CCDC102B: variants seen among roughly 807,000 people sequenced by gnomAD.
CCDC102B encodes the protein coiled-coil domain-containing protein 102B.
In CCDC102B, 75 loss-of-function variants were observed where a neutral mutation model predicts 57.4. The ratio of observed to expected loss-of-function variants is 1.31; its 90% CI spans 1.08 to 1.58. The LOEUF (loss-of-function observed/expected upper bound fraction) is 1.58. CCDC102B is among the 40% of genes most tolerant of loss of function. The pLI, the probability that CCDC102B is intolerant of heterozygous loss-of-function variation, is 0.00. For synonymous variants in CCDC102B, 206 were observed against 201.9 expected (o/e 1.02, Z -0.17); for missense variants, 636 against 582.6 (o/e 1.09, Z -0.94).
At chr18:68,831,609 T>C (rs2037143780) in intron 1 of CCDC102B, among the ~76,000 whole-genome samples, 1 of 152,146 alleles carries the variant, frequency 6.6e-6, no homozygotes, top group South Asian at 2.1e-4. Context: ...ATTTTCTGTC[T>C]CTGTACAATT....
chr18:68,847,073 G>A (rs1452619626), intron 4 of CCDC102B, among the ~76,000 whole-genome samples: 1 of 151,782 alleles, frequency 6.6e-6, no homozygotes, highest in African/African-American at 2.4e-5. Context: ...TTACATAAGT[G>A]TGTGGGAAAG....
chr18:68,917,169 G>C (rs2041102443), intron 6 of CCDC102B, among the ~76,000 whole-genome samples: 1 of 147,080 alleles, frequency 6.8e-6, no homozygotes. Flanking sequence ...TTGAAAACCA[G>C]CATTTTTTTT....
In CCDC102B at chr18:68,998,999, TAGAGAGAGAGAGAGAG is replaced by T. The variant is rs60271182; in HGVS notation, c.1264-11912_1264-11897del. On this transcript the variant is annotated intron_variant, in intron 6 of 7. Transcript: ENST00000360242. ...ATATATATATATATATATATATATA[TAGAGAGAGAGAGAGAG>T]AGAGAGAGAGAGAGAGAGAGAGTCA... Among the ~76,000 whole-genome samples, 141 of 43,328 alleles carry T rather than the reference TAGAGAGAGAGAGAGAG, an allele frequency of 3.3e-3. 1 individual carries two copies. Among genetic ancestry groups the T allele is most frequent in the African/African-American group, 8.6e-3 (109 of 12,738 alleles). 28.4% of individuals were successfully genotyped at this position (43,328 alleles called of 152,430 possible).
chr18:68,891,772 A>G (rs531626930), intron 5 of CCDC102B, among the ~76,000 whole-genome samples: 1 of 152,156 alleles, frequency 6.6e-6, no homozygotes, highest in African/African-American at 2.4e-5. Flanking sequence ...TCTTATAAGG[A>G]CATCAGTTCC....
intron 1 of CCDC102B, among the ~76,000 whole-genome samples, chr18:68,807,072 C>T (rs957400405): frequency 2.0e-5 from 3 of 152,066 alleles, no homozygotes; most frequent in Non-Finnish European, 4.4e-5. Flanking sequence ...GTTTGAACGA[C>T]CTTATCAAGG....
At chr18:68,716,222 C>T (rs1654936238) in intron 1 of CCDC102B, among the ~76,000 whole-genome samples, 2 of 151,654 alleles carry the variant, frequency 1.3e-5, no homozygotes, top group African/African-American at 2.4e-5. Context: ...ATAGTACCAT[C>T]GCCTCGATAC....
Position 68,857,294 on chromosome 18 carries a change from T to A in CCDC102B, c.936+10873T>A, listed in dbSNP as rs371927698. ...ATATATATAATATATATTTATATAT[T>A]ATATATATAATATATATTTATATAT... On this transcript the variant is annotated intron_variant, in intron 4 of 7. Coordinates refer to ENST00000360242, the MANE Select transcript of CCDC102B (RefSeq NM_024781.3). 2.3e-3 allele frequency among the ~76,000 whole-genome samples: 38 copies of A among 16,274 alleles called. 9 individuals are homozygous for A. The highest frequency in any genetic ancestry group is 8.1e-3 in the Admixed American group (6 of 740). The allele number at this position is 16,274 out of a possible 152,430, so 10.7% of individuals were successfully genotyped here. A position where few individuals can be genotyped will look rare whatever the true frequency, so the allele number is the denominator to read the frequency against.
At chr18:68,778,944 T>G (rs1392367077) in intron 2 of CCDC102B, among the ~76,000 whole-genome samples, 2 of 148,960 alleles carry the variant, frequency 1.3e-5, no homozygotes, top group Non-Finnish European at 3.0e-5. Flanking sequence ...TCTTAAAAGG[T>G]AAATAGGGTG....
At position 69,025,581 on chromosome 18, in the gene CCDC102B, T is replaced by A. The variant is rs1443061284; in HGVS notation, c.1434+14477T>A. Among the ~76,000 whole-genome samples, 3 of 152,208 alleles carry A rather than the reference T, an allele frequency of 2.0e-5. No individual in the cohort carries two copies. The East Asian group carries it at 5.8e-4, about 29-fold the overall frequency. ...ACATTTTATTGCTCTACCAAGCAAG[T>A]CATATTTTATTTCTGGTGAAAGTTA... On this transcript the variant is annotated intron_variant, in intron 7 of 7. Transcript: ENST00000360242.
chr18:68,803,131 A>T (rs953827718), intron 1 of CCDC102B, among the ~76,000 whole-genome samples: 2 of 152,158 alleles, frequency 1.3e-5, no homozygotes, highest in African/African-American at 4.8e-5. Flanking sequence ...TCTAAAAGCC[A>T]CCTTCTTTAG....
intron 2 of CCDC102B, among the ~76,000 whole-genome samples, chr18:68,727,074 G>A (rs192533672): frequency 6.6e-6 from 1 of 152,272 alleles, no homozygotes; most frequent in East Asian, 1.9e-4. Flanking sequence ...GGATACAATT[G>A]GCTCCATCCC....
chr18:68,907,142 T>C (rs1223402763), intron 6 of CCDC102B, among the ~76,000 whole-genome samples: 1 of 152,186 alleles, frequency 6.6e-6, no homozygotes, highest in Non-Finnish European at 1.5e-5. Flanking sequence ...TTCTCAACTA[T>C]TTTGGTGTCA....
At chr18:69,053,839 A>G (rs574959066) in intron 7 of CCDC102B, among the ~76,000 whole-genome samples, 191 bp from the exon 8 acceptor site, 1 of 152,078 alleles carries the variant, frequency 6.6e-6, no homozygotes, top group African/African-American at 2.4e-5. Flanking sequence ...AAATGTGTAC[A>G]TTGTAGACTA....
chr18:68,941,568 T>G (rs191098088), intron 6 of CCDC102B, among the ~76,000 whole-genome samples: 69 of 152,242 alleles, frequency 4.5e-4, no homozygotes, highest in Admixed American at 9.8e-4. Context: ...TTCACTTTGT[T>G]GCTTAAATGT....
intron 5 of CCDC102B, among the ~76,000 whole-genome samples, chr18:68,889,071 A>G (rs932709638): frequency 6.7e-5 from 10 of 149,566 alleles, no homozygotes; most frequent in Admixed American, 3.3e-4. Context: ...TTAACATTAT[A>G]GATTCATGAA....
chr18:68,924,591 T>G (rs567390007), intron 6 of CCDC102B, among the ~76,000 whole-genome samples: 1 of 152,216 alleles, frequency 6.6e-6, no homozygotes, highest in African/African-American at 2.4e-5. Flanking sequence ...CACCCAGATT[T>G]GGTTGGATGT....
At chr18:68,906,061 G>A (rs866461205) in intron 6 of CCDC102B, among the ~76,000 whole-genome samples, 6 of 152,160 alleles carry the variant, frequency 3.9e-5, no homozygotes, top group Middle Eastern at 3.4e-3. Context: ...CCAAAGTGCT[G>A]GGATTACAGG....
chr18:68,747,554 A>C (rs1028049952), intron 2 of CCDC102B, among the ~76,000 whole-genome samples: 3 of 151,970 alleles, frequency 2.0e-5, no homozygotes, highest in African/African-American at 7.3e-5. Context: ...AGCAACTGCC[A>C]TTCTATTCTC....
chr18:68,754,414 T>C (rs1357183900), intron 2 of CCDC102B: 1 of 152,198 alleles, frequency 6.6e-6, no homozygotes, highest in Non-Finnish European at 1.5e-5. Flanking sequence ...ATGAGTCTTC[T>C]GAAACAAGGA....
Sources: gnomAD v4.1 joint callset for allele counts (sites outside exome capture counted in the v4.1 genomes callset) on GRCh38, gnomAD v4.1.1 for gene constraint, MANE v1.5 for transcripts, NCBI Gene and HGNC (gene_info 2026-07-23, HGNC 2026-07-21) for gene names.